The following TCN2 variants were observed in gnomAD, a reference collection of about 807,000 sequenced individuals.
TCN2 encodes the protein transcobalamin 2, also known as transcobalamin-2.
TCN2 carries 34 observed loss-of-function variants against 48.6 expected under a neutral mutation model. The ratio of observed to expected loss-of-function variants is 0.70; its 90% CI spans 0.53 to 0.93. The LOEUF is 0.93. TCN2 is among the 40% of genes least tolerant of loss of function. The pLI is 0.00. For missense variants in TCN2, 652 were observed against 526.1 expected (o/e 1.24, Z -2.34); for synonymous variants, 283 against 212.5 (o/e 1.33, Z -2.89).
At chr22:30,623,542 G>A (rs978538528) in intron 8 of TCN2, among the ~76,000 whole-genome samples, 6 of 151,446 alleles carry the variant, frequency 4.0e-5, no homozygotes, top group Admixed American at 6.6e-5. Flanking sequence ...ATGAGCCACC[G>A]CACCCAGCCA....
Position 30,615,319 on chromosome 22 carries a change from G to T in TCN2, c.599G>T (p.Gly200Val). Residue 200 changes from glycine (G) to valine (V), a missense_variant, in exon 5 of 9, where the codon GGC (glycine) becomes GTC (valine). By Grantham distance (109) the Gly-to-Val change is moderately radical (BLOSUM62 -3). Transcript: ENST00000215838. Reference sequence around the variant, plus strand: ...CTTCAAGACACAGCAGCCATGGCAGGCTTGGCATTCACCTGTCTGAAGCGC... The same window carrying T: ...CTTCAAGACACAGCAGCCATGGCAGTCTTGGCATTCACCTGTCTGAAGCGC... ...HHSVDTAAMA[G>V]LAFTCLKRSN... 6.2e-7 allele frequency: 1 copy of T among 1,614,204 alleles called. No homozygotes were observed. Among genetic ancestry groups the T allele is most frequent in the Non-Finnish European group, 8.5e-7 (1 of 1,180,044 alleles).
chr22:30,625,300 A>ATCT, intron 8 of TCN2, among the ~76,000 whole-genome samples: 2 of 152,094 alleles, frequency 1.3e-5, no homozygotes, highest in East Asian at 3.9e-4. Context: ...ACACTGACAG[A>ATCT]TTCAGTGTCT....
chr22:30,614,081 T>C (rs1413488936), intron 3 of TCN2, among the ~76,000 whole-genome samples: 1 of 152,178 alleles, frequency 6.6e-6, no homozygotes, highest in Non-Finnish European at 1.5e-5. Flanking sequence ...GTCTGCATTC[T>C]CGTTGCAATT....
At chr22:30,614,851 G>GT (rs2087590253) in intron 4 of TCN2, among the ~76,000 whole-genome samples, 1 of 152,250 alleles carries the variant, frequency 6.6e-6, no homozygotes, top group Non-Finnish European at 1.5e-5. Flanking sequence ...GGAGGCTGCA[G>GT]TGAGTGGAGA....
Position 30,610,795 on chromosome 22 carries a change from G to C in TCN2, c.65-76G>C, listed in dbSNP as rs2087526113. On this transcript the variant is annotated intron_variant, in intron 1 of 8. Coordinates refer to ENST00000215838, the MANE Select transcript of TCN2 (RefSeq NM_000355.4). The stretch of plus-strand genomic sequence containing the variant: ...TGAGGACATGTATTCTCTGGAGAAG[G>C]CCCTGGTAACGTCAAAGCACTTCTT... The C allele has an allele frequency of 7.3e-6, 11 of 1,511,724 alleles. No individual in the cohort carries two copies. The Middle Eastern group carries it at 5.4e-4, about 75-fold the overall frequency. The allele number at this position is 1,511,724 out of a possible 1,614,324, so 93.6% of individuals were successfully genotyped here.
At position 30,610,948 on chromosome 22, in the gene TCN2, G is replaced by C. The variant is rs2087529797; in HGVS notation, c.142G>C (p.Glu48Gln). ...ACCTTGGATGGACCGGCTTTCCCTG[G>C]AGCACTTGAACCCCAGCATCTATGT... Reference protein sequence around the residue: ...LLPWMDRLSLEHLNPSIYVGL... With the variant: ...LLPWMDRLSLQHLNPSIYVGL... The change falls in exon 2 of 9, where the codon GAG becomes CAG. Residue 48 changes from glutamate (E) to glutamine (Q), a missense_variant. Transcript: ENST00000215838. 34 of 1,614,174 alleles carry C rather than the reference G, an allele frequency of 2.1e-5. No homozygotes were observed. The highest frequency in any genetic ancestry group is 2.9e-5 in the Non-Finnish European group (34 of 1,180,046).
chr22:30,615,041 C>G (rs948658673), intron 4 of TCN2, among the ~76,000 whole-genome samples: 4 of 152,244 alleles, frequency 2.6e-5, no homozygotes, highest in East Asian at 1.9e-4. Flanking sequence ...CTCTAGCCCT[C>G]AAGTTGCAGA....
intron 7 of TCN2, among the ~76,000 whole-genome samples, chr22:30,617,962 CAG>C (rs1348620765): frequency 1.3e-5 from 2 of 152,102 alleles, no homozygotes; most frequent in African/African-American, 4.8e-5. Context: ...TTTTAAGAGA[CAG>C]GGTCTCAATC....
At chr22:30,618,036 G>A (rs1003727276) in intron 7 of TCN2, among the ~76,000 whole-genome samples, 3 of 151,926 alleles carry the variant, frequency 2.0e-5, no homozygotes, top group Non-Finnish European at 2.9e-5. Flanking sequence ...GAACTCTGGG[G>A]ATGAAGCAAC....
intron 1 of TCN2, among the ~76,000 whole-genome samples, chr22:30,608,815 G>T (rs1170378311): frequency 6.6e-6 from 1 of 152,184 alleles, no homozygotes; most frequent in Non-Finnish European, 1.5e-5. Context: ...CAACCAGCAA[G>T]AGCTCTTCCT....
Position 30,626,521 on chromosome 22 carries a change from GCCCCTGAGCTCC to G in TCN2, c.*2_*13del, listed in dbSNP as rs1261702072. 1 of 1,613,934 alleles carries G rather than the reference GCCCCTGAGCTCC, an allele frequency of 6.2e-7. No homozygotes were observed. The highest frequency in any genetic ancestry group is 8.5e-7 in the Non-Finnish European group (1 of 1,180,018). ...TTGAGCTGAGGCTGGTTAGCTGGTA[GCCCCTGAGCTCC>G]CTCATCCCAGCAGCCTCGCACACTC... On this transcript the variant is annotated 3_prime_UTR_variant, in exon 9 of 9. Transcript: ENST00000215838.
At chr22:30,616,758 G>A (rs1371691290) in intron 6 of TCN2, among the ~76,000 whole-genome samples, 3 of 152,150 alleles carry the variant, frequency 2.0e-5, no homozygotes, top group Non-Finnish European at 2.9e-5. Context: ...CCGAGATCGC[G>A]CCATTGCACT....
In TCN2 at chr22:30,615,449, C is replaced by T. The variant is rs780790089; in HGVS notation, c.729C>T (p.Val243=). ...CCCCCGAGGGCCACTTTGGGAATGT[C>T]TACAGCACCCCATTGGCATTACAGG... ...AQTPEGHFGN[V]YSTPLALQFL... The change falls in exon 5 of 9, where the codon GTC becomes GTT. Residue 243 remains valine, a synonymous_variant. Coordinates refer to ENST00000215838, the MANE Select transcript of TCN2 (RefSeq NM_000355.4). 6 of 1,614,050 alleles carry T rather than the reference C, an allele frequency of 3.7e-6. No individual in the cohort carries two copies. Among genetic ancestry groups the T allele is most frequent in the Admixed American group, 1.7e-5 (1 of 59,994 alleles).
chr22:30,624,047 C>G lies in TCN2; in HGVS notation c.1222+964C>G, dbSNP rs1326080821. 1.1e-4 allele frequency among the ~76,000 whole-genome samples: 3 copies of G among 27,400 alleles called. No homozygotes were observed. The South Asian group carries it at 1.8e-3, about 16-fold the overall frequency. The allele number at this position is 27,400 out of a possible 152,430, so 18.0% of individuals were successfully genotyped here. On this transcript the variant is annotated intron_variant, in intron 8 of 8. Transcript: ENST00000215838. ...ACATATATATGTATACATATATACA[C>G]ACACACACACACACATATATATATA...
chr22:30,615,928 T>C (rs1208309941), intron 6 of TCN2, 141 bp downstream of exon 6: 2 of 976,164 alleles, frequency 2.0e-6, no homozygotes, highest in Non-Finnish European at 3.2e-6. Flanking sequence ...GCAGCCAAAA[T>C]GTGGTCATAG....
intron 1 of TCN2, among the ~76,000 whole-genome samples, chr22:30,608,826 C>T (rs531254717): frequency 8.3e-4 from 127 of 152,342 alleles, no homozygotes; most frequent in African/African-American, 2.0e-3. Context: ...AGCTCTTCCT[C>T]CTGGCTGATC....
chr22:30,608,558 T>G (rs1184826499), intron 1 of TCN2, among the ~76,000 whole-genome samples: 1 of 152,084 alleles, frequency 6.6e-6, no homozygotes, highest in African/African-American at 2.4e-5. Context: ...TTGGCTAATT[T>G]TTGTATTTTT....
intron 8 of TCN2, among the ~76,000 whole-genome samples, chr22:30,624,284 G>A (rs1447371928): frequency 6.6e-6 from 1 of 151,572 alleles, no homozygotes; most frequent in Non-Finnish European, 1.5e-5. Context: ...ATGTTGGCCA[G>A]GCTGGTCTCA....
At chr22:30,623,763 T>C (rs200047140) in intron 8 of TCN2, among the ~76,000 whole-genome samples, 1,461 of 32,884 alleles carry the variant, frequency 0.044, 336 homozygotes, top group African/African-American at 0.06. Flanking sequence ...TATATGTATA[T>C]ATATATACAC....
Sources: allele counts gnomAD v4.1 joint callset (sites outside exome capture counted in the v4.1 genomes callset), GRCh38; gene constraint gnomAD v4.1.1; transcripts MANE v1.5; gene names NCBI Gene and HGNC (gene_info 2026-07-23, HGNC 2026-07-21).